DEPTOR: variants seen among roughly 807,000 people sequenced by gnomAD.
The protein encoded by DEPTOR is DEP domain containing MTOR interacting protein.
DEPTOR carries 41 observed loss-of-function variants against 41.6 expected under a neutral mutation model. That is an observed-to-expected ratio of 0.98 (90% CI 0.77 to 1.28). The LOEUF (loss-of-function observed/expected upper bound fraction) is 1.28. DEPTOR is among the 50% of genes most tolerant of loss of function. The pLI, the probability that DEPTOR is intolerant of heterozygous loss-of-function variation, is 0.00. For synonymous variants in DEPTOR, 195 were observed against 192.3 expected (o/e 1.01, Z -0.12); for missense variants, 514 against 527.9 (o/e 0.97, Z 0.26).
intron 1 of DEPTOR, among the ~76,000 whole-genome samples, chr8:119,887,959 A>G (rs1827395241): frequency 6.6e-6 from 1 of 151,942 alleles, no homozygotes; most frequent in Admixed American, 6.6e-5. Flanking sequence ...AGCTGGGACT[A>G]CAGGTGTGTG....
At chr8:120,034,733 A>G (rs1252598783) in intron 8 of DEPTOR, among the ~76,000 whole-genome samples, 1 of 152,060 alleles carries the variant, frequency 6.6e-6, no homozygotes, top group African/African-American at 2.4e-5. Flanking sequence ...TACAGGCATG[A>G]GTCACTGTGC....
chr8:119,922,821 C>T (rs527691846), intron 1 of DEPTOR, among the ~76,000 whole-genome samples: 206 of 152,272 alleles, frequency 1.4e-3, no homozygotes, highest in African/African-American at 4.7e-3. Flanking sequence ...TTCTCATTAT[C>T]CTCAGAACTG....
intron 1 of DEPTOR, among the ~76,000 whole-genome samples, chr8:119,906,189 C>T (rs1827661374): frequency 6.6e-6 from 1 of 151,946 alleles, no homozygotes; most frequent in Non-Finnish European, 1.5e-5. Context: ...CAATGGCTCA[C>T]ACCTATAATC....
intron 8 of DEPTOR, among the ~76,000 whole-genome samples, chr8:120,014,479 A>C (rs1812579740): frequency 6.6e-6 from 1 of 152,066 alleles, no homozygotes; most frequent in Non-Finnish European, 1.5e-5. Context: ...TCTGTCTCTT[A>C]TCTCTTTGCT....
At chr8:119,889,681 GAGGAC>G (rs1827426736) in intron 1 of DEPTOR, among the ~76,000 whole-genome samples, 2 of 92,034 alleles carry the variant, frequency 2.2e-5, no homozygotes, top group African/African-American at 3.5e-5. Flanking sequence ...GAGAGGAGGG[GAGGAC>G]AGGGGAGAGG....
chr8:120,025,046 G>A (rs1445341033), intron 8 of DEPTOR, among the ~76,000 whole-genome samples: 1 of 152,184 alleles, frequency 6.6e-6, no homozygotes, highest in East Asian at 1.9e-4. Flanking sequence ...CCAGTTGTGA[G>A]CAAAGCCAGT....
At chr8:120,021,790 G>C (rs1267724316) in intron 8 of DEPTOR, among the ~76,000 whole-genome samples, 1 of 152,168 alleles carries the variant, frequency 6.6e-6, no homozygotes, top group East Asian at 1.9e-4. Context: ...TCAAGCCCAT[G>C]CCCATATCAT....
chr8:119,889,622 G>T lies in DEPTOR; in HGVS notation c.122+15654G>T, dbSNP rs867046932. On this transcript the variant is annotated intron_variant, in intron 1 of 8. Coordinates refer to ENST00000286234, the MANE Select transcript of DEPTOR (RefSeq NM_022783.4). ...GGGAGGTGGGGAGGGGACGGGAGGGGAGGGAAGGGAAGGGGAGGGGAGGGG... is the reference window on the plus strand; with the variant it reads ...GGGAGGTGGGGAGGGGACGGGAGGGTAGGGAAGGGAAGGGGAGGGGAGGGG... Among the ~76,000 whole-genome samples, 6 of 97,780 alleles carry T rather than the reference G, an allele frequency of 6.1e-5. No individual in the cohort carries two copies. The East Asian group carries it at 1.4e-3, about 23-fold the overall frequency. The allele number at this position is 97,780 out of a possible 152,430, so 64.1% of individuals were successfully genotyped here. A position where few individuals can be genotyped will look rare whatever the true frequency, so the allele number is the denominator to read the frequency against.
intron 4 of DEPTOR, among the ~76,000 whole-genome samples, chr8:119,994,884 T>A (rs1236903775): frequency 4.5e-5 from 6 of 133,996 alleles, no homozygotes; most frequent in African/African-American, 1.7e-4. Flanking sequence ...ACCAATGCAC[T>A]CCAGCCTGGG....
intron 4 of DEPTOR, among the ~76,000 whole-genome samples, chr8:119,996,456 A>G (rs1237215816): frequency 6.6e-6 from 1 of 152,182 alleles, no homozygotes; most frequent in Non-Finnish European, 1.5e-5. Flanking sequence ...GTTTGAGGTC[A>G]CCTGTTCTAT....
chr8:119,993,793 A>C (rs1410751894), intron 4 of DEPTOR, among the ~76,000 whole-genome samples: 2 of 151,938 alleles, frequency 1.3e-5, no homozygotes, highest in African/African-American at 4.8e-5. Context: ...TGTTTAACAA[A>C]AAGTAAGTTG....
chr8:119,963,409 G>C (rs1828517136), intron 3 of DEPTOR, among the ~76,000 whole-genome samples: 1 of 151,940 alleles, frequency 6.6e-6, no homozygotes, highest in Non-Finnish European at 1.5e-5. Flanking sequence ...GGAGTGCAGT[G>C]GTGTGAACTC....
intron 1 of DEPTOR, among the ~76,000 whole-genome samples, chr8:119,892,469 GT>G (rs1827464025): frequency 6.6e-6 from 1 of 152,184 alleles, no homozygotes; most frequent in Non-Finnish European, 1.5e-5. Flanking sequence ...AATAAAAGTG[GT>G]TTTATGCTCA....
chr8:119,913,417 A>G (rs1827769949), intron 1 of DEPTOR, among the ~76,000 whole-genome samples: 1 of 152,202 alleles, frequency 6.6e-6, no homozygotes, highest in South Asian at 2.1e-4. Context: ...TACAGAAATA[A>G]CATTGATTGG....
chr8:119,916,414 C>T (rs1221051791), intron 1 of DEPTOR, among the ~76,000 whole-genome samples: 1 of 151,916 alleles, frequency 6.6e-6, no homozygotes, highest in African/African-American at 2.4e-5. Context: ...AGCCACGGTG[C>T]CCAGCCAACA....
chr8:119,889,408 G>A (rs941017267), intron 1 of DEPTOR, among the ~76,000 whole-genome samples: 13 of 151,248 alleles, frequency 8.6e-5, no homozygotes, highest in African/African-American at 3.2e-4. Context: ...TTAGCCAGGT[G>A]TGTTAGTGCA....
chr8:120,048,020 G>A (rs1173358148), intron 8 of DEPTOR, among the ~76,000 whole-genome samples: 1 of 147,672 alleles, frequency 6.8e-6, no homozygotes, highest in Non-Finnish European at 1.5e-5. Flanking sequence ...GCAACAGAGG[G>A]AGACTCCATG....
chr8:119,891,167 G>A (rs949219508), intron 1 of DEPTOR: 2 of 151,900 alleles, frequency 1.3e-5, no homozygotes, highest in South Asian at 4.2e-4. Context: ...TTACAGGCCT[G>A]TCCCTGCTTA....
In DEPTOR at chr8:119,897,823, TA is replaced by T. The variant is rs1827540569; in HGVS notation, c.122+23859del. 5.9e-5 allele frequency among the ~76,000 whole-genome samples: 9 copies of T among 152,272 alleles called. No individual in the cohort carries two copies. The South Asian group carries it at 1.9e-3, about 32-fold the overall frequency. ...TTACTGTTCTATAAAATAAGAAGAA[TA>T]AAAGGGGTATTTGAGGTACATGCAT... On this transcript the variant is annotated intron_variant, in intron 1 of 8. Transcript: ENST00000286234.
Sources: gnomAD v4.1 joint callset for allele counts (sites outside exome capture counted in the v4.1 genomes callset) on GRCh38, gnomAD v4.1.1 for gene constraint, MANE v1.5 for transcripts, NCBI Gene and HGNC (gene_info 2026-07-23, HGNC 2026-07-21) for gene names.